Variants in AOX1 observed in about 807,000 individuals in gnomAD.
AOX1 encodes aldehyde oxidase.
AOX1 carries 153 observed loss-of-function variants against 169.5 expected under a neutral mutation model. The ratio of observed to expected loss-of-function variants is 0.90; its 90% CI spans 0.79 to 1.03. The LOEUF is 1.03. Ranked by LOEUF, AOX1 falls within the 50% of genes least tolerant of loss-of-function variation. AOX1 has a pLI of 0.00. For missense variants in AOX1, 1,656 were observed against 1,663.9 expected (o/e 1.00, Z 0.08); for synonymous variants, 562 against 581.9 (o/e 0.97, Z 0.49).
chr2:200,615,406 T>G (rs941363983), intron 15 of AOX1, among the ~76,000 whole-genome samples: 2 of 152,242 alleles, frequency 1.3e-5, no homozygotes, highest in Non-Finnish European at 2.9e-5. Flanking sequence ...TGTGCAATGT[T>G]CAGTCTTGTG....
chr2:200,643,665 A>G (rs948999349), intron 25 of AOX1, among the ~76,000 whole-genome samples: 1 of 152,172 alleles, frequency 6.6e-6, no homozygotes, highest in African/African-American at 2.4e-5. Context: ...ACTAGTTTAC[A>G]TTCCCACCAG....
intron 18 of AOX1, among the ~76,000 whole-genome samples, chr2:200,621,557 T>C (rs183265088): frequency 7.8e-4 from 119 of 152,098 alleles, no homozygotes; most frequent in Non-Finnish European, 1.4e-3. Context: ...GGAAATCCCT[T>C]CCCTGAGAAG....
chr2:200,651,286 C>T, intron 26 of AOX1, 85 bp downstream of exon 26: 3 of 1,132,272 alleles, frequency 2.6e-6, no homozygotes, highest in Non-Finnish European at 3.9e-6. Flanking sequence ...CTCCTTAAGT[C>T]ATATTAGCCA....
rs535031319 is a variant in AOX1, at chr2:200,612,444, C to A, written c.1264-165C>A. 3.5e-4 allele frequency among the ~76,000 whole-genome samples: 54 copies of A among 152,286 alleles called. No homozygotes were observed. In the South Asian group the frequency reaches 5.2e-3, roughly 15 times the overall value. Reference sequence around the variant, plus strand: ...GTGATACTCAACATACACATACCGTCCAGCACGTAGGTGATGCTCAACACA... The same window carrying A: ...GTGATACTCAACATACACATACCGTACAGCACGTAGGTGATGCTCAACACA... On this transcript the variant is annotated intron_variant, in intron 13 of 34. Coordinates refer to ENST00000374700, the MANE Select transcript of AOX1 (RefSeq NM_001159.4).
chr2:200,673,384 C>T (rs111818809), downstream of AOX1, among the ~76,000 whole-genome samples: 2,442 of 152,292 alleles, frequency 0.016, 68 homozygotes, highest in African/African-American at 0.055. Context: ...GTTGCTAGGC[C>T]GGAAACGGGA....
chr2:200,661,108 T>C (rs2035810443), intron 29 of AOX1, among the ~76,000 whole-genome samples: 1 of 152,192 alleles, frequency 6.6e-6, no homozygotes, highest in Non-Finnish European at 1.5e-5. Flanking sequence ...GTGTAAATGG[T>C]ACAATTTAGC....
chr2:200,611,472 G>T lies in AOX1; in HGVS notation c.1242G>T (p.Val414=), dbSNP rs2034640300. The change falls in exon 13 of 35, where the codon GTG becomes GTT. Residue 414 remains valine, a synonymous_variant. Coordinates refer to ENST00000374700, the MANE Select transcript of AOX1 (RefSeq NM_001159.4). ...AGCCTCAAGAAATCTTGGTCTCAGTGAACATCCCCTACTCAAGGAAGGTGA... is the reference window on the plus strand; with the variant it reads ...AGCCTCAAGAAATCTTGGTCTCAGTTAACATCCCCTACTCAAGGAAGGTGA... ...DLKPQEILVS[V]NIPYSRKWEF... is the part of the protein sequence containing the mutation. 1 of 1,612,362 alleles carries T rather than the reference G, an allele frequency of 6.2e-7. No homozygotes were observed. Among genetic ancestry groups the T allele is most frequent in the Non-Finnish European group, 8.5e-7 (1 of 1,178,470 alleles).
At chr2:200,598,255 T>G (rs1229871679) in intron 4 of AOX1, among the ~76,000 whole-genome samples, 1 of 152,054 alleles carries the variant, frequency 6.6e-6, no homozygotes, top group Non-Finnish European at 1.5e-5. Flanking sequence ...GAAAACAACA[T>G]GATCTTAAGG....
intron 26 of AOX1, among the ~76,000 whole-genome samples, chr2:200,655,472 C>T (rs1286596202): frequency 6.6e-6 from 1 of 152,152 alleles, no homozygotes; most frequent in Non-Finnish European, 1.5e-5. Flanking sequence ...GTAAAAAACA[C>T]TCTATTACAT....
At chr2:200,641,488 TG>T (rs1331607574) in intron 24 of AOX1, among the ~76,000 whole-genome samples, 1 of 152,128 alleles carries the variant, frequency 6.6e-6, no homozygotes, top group Non-Finnish European at 1.5e-5. Flanking sequence ...CTCTTTATGG[TG>T]GGGACTATCC....
At chr2:200,674,880 G>A (rs1424724077), downstream of AOX1, among the ~76,000 whole-genome samples, 1 of 152,178 alleles carries the variant, frequency 6.6e-6, no homozygotes, top group Non-Finnish European at 1.5e-5. Context: ...GTAGAGGTTT[G>A]CCTTTCCTGC....
chr2:200,669,807 G>T, intron 34 of AOX1, 65 bp downstream of exon 34: 1 of 1,565,414 alleles, frequency 6.4e-7, no homozygotes, highest in South Asian at 1.2e-5. Context: ...CTCTGTTCTT[G>T]TGGTAAGTTT....
At chr2:200,634,648 G>C (rs891793708) in intron 20 of AOX1, 143 bp from the exon 21 acceptor site, 1 of 1,032,260 alleles carries the variant, frequency 9.7e-7, no homozygotes, top group Non-Finnish European at 1.4e-6. Context: ...TAGACTGAAA[G>C]CTAAACATTG....
chr2:200,597,358 C>T (rs1435083819), intron 3 of AOX1, 39 bp from the exon 4 acceptor site: 1 of 1,484,586 alleles, frequency 6.7e-7, no homozygotes, highest in East Asian at 2.3e-5. Context: ...CTGTATGCGA[C>T]ATAATTTGTA....
At chr2:200,633,572 C>A (rs1477248336) in intron 20 of AOX1, among the ~76,000 whole-genome samples, 1 of 151,562 alleles carries the variant, frequency 6.6e-6, no homozygotes, top group Non-Finnish European at 1.5e-5. Context: ...CTTTCTATTT[C>A]TTTGCTGAGG....
rs770059021 is a variant in AOX1 at position 200,642,750 on chromosome 2, C to T, written c.2796C>T (p.Thr932=). 17 of 1,613,784 alleles carry T rather than the reference C, an allele frequency of 1.1e-5. No individual in the cohort carries two copies. Among genetic ancestry groups the T allele is most frequent in the Middle Eastern group, 1.6e-4 (1 of 6,080 alleles). ...GFGFPQAALI[T]ESCITEVAAK... Reference sequence around the variant, plus strand: ...GCTTTCCTCAGGCAGCGCTGATCACCGAATCTTGTATCACGGAAGTTGCAG... The same window carrying T: ...GCTTTCCTCAGGCAGCGCTGATCACTGAATCTTGTATCACGGAAGTTGCAG... Residue 932 remains threonine, a synonymous_variant, in exon 25 of 35, where the codon ACC becomes ACT. Transcript: ENST00000374700.
intron 2 of AOX1, among the ~76,000 whole-genome samples, chr2:200,594,336 A>C (rs1373191839): frequency 1.3e-5 from 2 of 152,188 alleles, no homozygotes; most frequent in African/African-American, 4.8e-5. Context: ...GATCAGTATT[A>C]AAGTACAGCA....
At chr2:200,679,890 T>G (rs758165694), downstream of AOX1, among the ~76,000 whole-genome samples, 1 of 152,098 alleles carries the variant, frequency 6.6e-6, no homozygotes, top group African/African-American at 2.4e-5. Flanking sequence ...AAGACCTGCC[T>G]GGGCAACATA....
At chr2:200,679,512 G>T (rs2036135690), downstream of AOX1, 1 of 152,162 alleles carries the variant, frequency 6.6e-6, no homozygotes, top group African/African-American at 2.4e-5. Flanking sequence ...GACACAGATG[G>T]CAGGTGAAGG....
Sources: allele counts gnomAD v4.1 joint callset (sites outside exome capture counted in the v4.1 genomes callset), GRCh38; gene constraint gnomAD v4.1.1; transcripts MANE v1.5; gene names NCBI Gene and HGNC (gene_info 2026-07-23, HGNC 2026-07-21).